SAP130: variants seen among roughly 807,000 people sequenced by gnomAD.
SAP130 encodes the protein histone deacetylase complex subunit SAP130.
Under a neutral mutation model 103.2 loss-of-function variants are expected in SAP130, and 16 were observed. The observed-to-expected ratio is 0.16, with a 90% CI of 0.10 to 0.24. SAP130 has a LOEUF of 0.24. SAP130 is among the 10% of genes least tolerant of loss of function. The pLI is 1.00. For synonymous variants in SAP130, 477 were observed against 497.0 expected (o/e 0.96, Z 0.53); for missense variants, 990 against 1,359.7 (o/e 0.73, Z 4.28).
In SAP130 at chr2:128,026,298, C is replaced by T. The variant is rs1685492403; in HGVS notation, c.-6G>A. On this transcript the variant is annotated splice_region_variant and 5_prime_UTR_variant, in exon 2 of 21. It adds an upstream start codon to the 5' untranslated region. Transcript: ENST00000643581. ...GGAAACTGTTGAGAACTCATTTCCA[C>T]CTGTAGTACATACAGTTATATGGTT... is the stretch of plus-strand genomic sequence containing the variant. The T allele has an allele frequency of 5.0e-6, 8 of 1,598,958 alleles. No homozygotes were observed. The highest frequency in any genetic ancestry group is 6.9e-6 in the Non-Finnish European group (8 of 1,166,342).
At chr2:127,956,707 A>T (rs1199524816) in intron 15 of SAP130, among the ~76,000 whole-genome samples, 2 of 149,920 alleles carry the variant, frequency 1.3e-5, no homozygotes, top group Non-Finnish European at 1.5e-5. Flanking sequence ...TATAATAAAA[A>T]AAAAAAAAAA....
At chr2:127,985,786 C>A (rs557274668) in intron 14 of SAP130, among the ~76,000 whole-genome samples, 15 of 152,044 alleles carry the variant, frequency 9.9e-5, no homozygotes, top group African/African-American at 3.4e-4. Context: ...ACGCCCTGAT[C>A]CTGTGCCTGT....
chr2:128,017,964 A>C (rs1248151581), intron 2 of SAP130, 49 bp from the exon 3 acceptor site: 11 of 1,463,528 alleles, frequency 7.5e-6, no homozygotes, highest in Non-Finnish European at 1.0e-5. Flanking sequence ...CTCCCAGTGT[A>C]AGATAGCAGC....
At chr2:127,968,283 G>A (rs745935273) in intron 15 of SAP130, among the ~76,000 whole-genome samples, 74 of 151,712 alleles carry the variant, frequency 4.9e-4, no homozygotes, top group Non-Finnish European at 8.7e-4. Context: ...CTAATTTTTT[G>A]TATTTTTAGT....
At position 128,016,299 on chromosome 2, in the gene SAP130, C is replaced by T. The variant is rs186691831; in HGVS notation, c.507+90G>A. On this transcript the variant is annotated intron_variant, in intron 4 of 20. Coordinates refer to ENST00000643581, the MANE Select transcript of SAP130 (RefSeq NM_001330301.2). The stretch of plus-strand genomic sequence containing the variant: ...TGACTGTTTGATCTTTTTTTATTAC[C>T]GTGACTAATGTACTGCTAGCATTCA... 157 of 1,320,498 alleles carry T rather than the reference C, an allele frequency of 1.2e-4. No homozygotes were observed. The Admixed American group carries it at 1.7e-3, about 15-fold the overall frequency. 81.8% of individuals were successfully genotyped at this position (1,320,498 alleles called of 1,614,324 possible). A position where few individuals can be genotyped will look rare whatever the true frequency, so the allele number is the denominator to read the frequency against.
At chr2:127,966,351 A>C (rs1680656607) in intron 15 of SAP130, among the ~76,000 whole-genome samples, 2 of 152,130 alleles carry the variant, frequency 1.3e-5, no homozygotes, top group Non-Finnish European at 2.9e-5. Context: ...TCTCAAAAAA[A>C]TAAAAATAAA....
At chr2:128,016,312 C>T in intron 4 of SAP130, 77 bp downstream of exon 4, 1 of 1,432,382 alleles carries the variant, frequency 7.0e-7, no homozygotes, top group Non-Finnish European at 9.7e-7. Context: ...GACTAATGTA[C>T]TGCTAGCATT....
intron 5 of SAP130, among the ~76,000 whole-genome samples, chr2:128,014,329 A>G (rs1010477952): frequency 6.6e-6 from 1 of 151,608 alleles, no homozygotes. Context: ...AGCTCAAGCC[A>G]TCCTCCCATC....
chr2:128,026,421 T>G, intron 1 of SAP130, 123 bp from the exon 2 acceptor site: 1 of 641,956 alleles, frequency 1.6e-6, no homozygotes, highest in Non-Finnish European at 2.8e-6. Context: ...GCATCATTTA[T>G]TTAAAAACAA....
At chr2:127,980,231 T>TA (rs1235026733) in intron 14 of SAP130, among the ~76,000 whole-genome samples, 2 of 151,930 alleles carry the variant, frequency 1.3e-5, no homozygotes, top group African/African-American at 4.8e-5. Flanking sequence ...GGATAAAAGT[T>TA]AAAAAAGCAA....
At chr2:128,019,113 A>C (rs982796148) in intron 2 of SAP130, among the ~76,000 whole-genome samples, 1 of 152,088 alleles carries the variant, frequency 6.6e-6, no homozygotes, top group South Asian at 2.1e-4. Flanking sequence ...AAAAAGAAAA[A>C]AAAAAGATAT....
chr2:127,997,345 T>C (rs1319575464), intron 10 of SAP130, among the ~76,000 whole-genome samples: 1 of 152,140 alleles, frequency 6.6e-6, no homozygotes, highest in Non-Finnish European at 1.5e-5. Flanking sequence ...ATATCAGAAA[T>C]ATAGACAGAC....
intron 7 of SAP130, 99 bp from the exon 8 acceptor site, chr2:128,000,553 G>A: frequency 7.4e-7 from 1 of 1,357,258 alleles, no homozygotes; most frequent in Non-Finnish European, 1.0e-6. Flanking sequence ...GGTCTATGAA[G>A]TTCGGAGTTA....
At position 127,942,613 on chromosome 2, in the gene SAP130, C is replaced by T. The variant is rs1678786464; in HGVS notation, c.2902-76G>A. The T allele has an allele frequency of 1.2e-6, 1 of 803,464 alleles. No homozygotes were observed. The allele number at this position is 803,464 out of a possible 1,614,324, so 49.8% of individuals were successfully genotyped here. On this transcript the variant is annotated intron_variant, in intron 19 of 20. Coordinates refer to ENST00000643581, the MANE Select transcript of SAP130 (RefSeq NM_001330301.2). The surrounding 1 kb of genome is among the most constrained non-coding windows in gnomAD (Gnocchi z 4.8). Reference sequence around the variant, plus strand: ...GTCAACCCCAGGCAAATGAACCCACCTTCAATCACCTTTGTAAACTGTCTA... The same window carrying T: ...GTCAACCCCAGGCAAATGAACCCACTTTCAATCACCTTTGTAAACTGTCTA...
In SAP130 at chr2:128,000,287, T is replaced by C. The variant is rs1193652037; in HGVS notation, c.1017+20A>G. The C allele has an allele frequency of 6.2e-7, 1 of 1,614,022 alleles. No homozygotes were observed. The highest frequency in any genetic ancestry group is 8.5e-7 in the Non-Finnish European group (1 of 1,179,964). On this transcript the variant is annotated intron_variant, in intron 8 of 20. Transcript: ENST00000643581. ...TTTACCCAACAAAGTACACAGGTGG[T>C]TCTCCACTTTTGGTTTTACCTGAGC...
intron 7 of SAP130, among the ~76,000 whole-genome samples, chr2:128,008,885 A>G (rs986005548): frequency 6.6e-6 from 1 of 151,692 alleles, no homozygotes; most frequent in African/African-American, 2.4e-5. Context: ...GGGTCTCCCT[A>G]TGTTGCCCAG....
chr2:127,987,911 T>C (rs1254901241), intron 13 of SAP130, among the ~76,000 whole-genome samples: 1 of 152,164 alleles, frequency 6.6e-6, no homozygotes, highest in African/African-American at 2.4e-5. Flanking sequence ...AAAATACCTG[T>C]GTTTGACAGT....
At chr2:128,022,414 C>A (rs115972485) in intron 2 of SAP130, among the ~76,000 whole-genome samples, 5 of 152,258 alleles carry the variant, frequency 3.3e-5, no homozygotes, top group South Asian at 4.1e-4. Flanking sequence ...ACAGTTTCTA[C>A]GAACATGTGA....
intron 2 of SAP130, among the ~76,000 whole-genome samples, chr2:128,022,035 G>T (rs1685196000): frequency 6.6e-6 from 1 of 152,170 alleles, no homozygotes; most frequent in Non-Finnish European, 1.5e-5. Flanking sequence ...AAAGTATACA[G>T]CGGTATAACA....
Sources: gnomAD v4.1 joint callset for allele counts (sites outside exome capture counted in the v4.1 genomes callset) on GRCh38, gnomAD v4.1.1 for gene constraint, Gnocchi (gnomAD v3.1) non-coding constraint, MANE v1.5 for transcripts, NCBI Gene and HGNC (gene_info 2026-07-23, HGNC 2026-07-21) for gene names.